The following SEMA3D variants were observed in gnomAD, a reference collection of about 807,000 sequenced individuals.
The protein encoded by SEMA3D is semaphorin 3D.
Under a neutral mutation model 100.1 loss-of-function variants are expected in SEMA3D, and 84 were observed. The ratio of observed to expected loss-of-function variants is 0.84; its 90% CI spans 0.70 to 1.01. SEMA3D has a LOEUF of 1.01. SEMA3D is among the 50% of genes least tolerant of loss of function. SEMA3D has a pLI of 0.00. For missense variants in SEMA3D, 875 were observed against 934.1 expected (o/e 0.94, Z 0.82); for synonymous variants, 312 against 320.7 (o/e 0.97, Z 0.29).
At chr7:85,157,989 T>A (rs971241183) in intron 1 of SEMA3D, among the ~76,000 whole-genome samples, 4 of 152,160 alleles carry the variant, frequency 2.6e-5, no homozygotes, top group African/African-American at 9.7e-5. Context: ...CCCCAATCAA[T>A]ACCCTTGTGA....
intron 2 of SEMA3D, chr7:85,142,842 C>T (rs1790096757): frequency 1.0e-6 from 1 of 984,882 alleles, no homozygotes; most frequent in African/African-American, 1.7e-5. Flanking sequence ...TAAATACAAC[C>T]CATCTTATAC....
At chr7:85,230,562 A>G in the SEMA3D span, among the ~76,000 whole-genome samples, 1 of 152,138 alleles carries the variant, frequency 6.6e-6, no homozygotes, top group Non-Finnish European at 1.5e-5. Flanking sequence ...AAGTGTTTTC[A>G]TTTCCCTTTT....
chr7:85,081,549 C>T lies in SEMA3D; in HGVS notation c.343G>A (p.Glu115Lys). The change falls in exon 5 of 19, where the codon GAA becomes AAA. Residue 115 changes from glutamate (E) to lysine (K), a missense_variant. Coordinates refer to ENST00000284136, the MANE Select transcript of SEMA3D (RefSeq NM_001384900.1). ...IYWPAAKERVELCKLAGKDAN... is the reference protein window; with the variant it reads ...IYWPAAKERVKLCKLAGKDAN... ...TCTTTCCCAGCTAATTTACATAATTCCACCCGTTCCTTTGCAGCAGGCCAA... is the reference window on the plus strand; with the variant it reads ...TCTTTCCCAGCTAATTTACATAATTTCACCCGTTCCTTTGCAGCAGGCCAA... 1 of 1,612,226 alleles carries T rather than the reference C, an allele frequency of 6.2e-7. No homozygotes were observed. The highest frequency in any genetic ancestry group is 8.5e-7 in the Non-Finnish European group (1 of 1,178,546).
the SEMA3D span, among the ~76,000 whole-genome samples, chr7:85,249,524 T>C: frequency 2.0e-5 from 3 of 152,190 alleles, no homozygotes; most frequent in Non-Finnish European, 4.4e-5. Flanking sequence ...ACTCGAACAG[T>C]AGACCTCTTC....
At chr7:85,214,417 G>C in the SEMA3D span, among the ~76,000 whole-genome samples, 1 of 152,044 alleles carries the variant, frequency 6.6e-6, no homozygotes, top group Non-Finnish European at 1.5e-5. Context: ...AGAAACATAC[G>C]ACACCCAGAG....
chr7:85,009,128 T>C (rs1369057101), intron 17 of SEMA3D, among the ~76,000 whole-genome samples: 1 of 151,748 alleles, frequency 6.6e-6, no homozygotes, highest in Non-Finnish European at 1.5e-5. Context: ...TGTTTTGAAA[T>C]AGTTAAAATA....
intron 12 of SEMA3D, among the ~76,000 whole-genome samples, chr7:85,034,382 G>A (rs1156260753): frequency 6.6e-6 from 1 of 151,988 alleles, no homozygotes; most frequent in Non-Finnish European, 1.5e-5. Context: ...TGAGGTGGGC[G>A]GATCATCTGA....
rs1428177885 is a variant in SEMA3D at position 85,106,893 on chromosome 7, C to T, written c.152-8928G>A. ...AAGAGGAGAAAAGCATGGGGGAAAC[C>T]GCCCTCATGATTCAATTACCTCCCA... is the stretch of plus-strand genomic sequence containing the variant. On this transcript the variant is annotated intron_variant, in intron 3 of 18. Coordinates refer to ENST00000284136, the MANE Select transcript of SEMA3D (RefSeq NM_001384900.1). Among the ~76,000 whole-genome samples the T allele has an allele frequency of 6.6e-5, 10 of 151,982 alleles. No homozygotes were observed. In the East Asian group the frequency reaches 1.4e-3, roughly 21 times the overall value.
At chr7:85,129,918 T>A (rs1437162993) in intron 2 of SEMA3D, among the ~76,000 whole-genome samples, 26 of 152,088 alleles carry the variant, frequency 1.7e-4, no homozygotes, top group Admixed American at 1.7e-3. Context: ...CAGGAACACA[T>A]GTACTGTTAA....
At chr7:85,216,762 G>A in the SEMA3D span, among the ~76,000 whole-genome samples, 2 of 151,792 alleles carry the variant, frequency 1.3e-5, no homozygotes, top group African/African-American at 2.4e-5. Flanking sequence ...GTTTTACAAT[G>A]TCTATGAAAT....
At chr7:85,123,857 C>A (rs577733122) in intron 2 of SEMA3D, among the ~76,000 whole-genome samples, 14 of 151,978 alleles carry the variant, frequency 9.2e-5, no homozygotes, top group Non-Finnish European at 2.9e-5. Flanking sequence ...TTAAATATAA[C>A]AAATATTGCA....
chr7:85,198,689 T>C, the SEMA3D span, among the ~76,000 whole-genome samples: 1 of 151,882 alleles, frequency 6.6e-6, no homozygotes, highest in Non-Finnish European at 1.5e-5. Flanking sequence ...ATTAGGTTTA[T>C]GTTTTCTTTC....
At chr7:85,112,448 A>G (rs1789119271) in intron 3 of SEMA3D, among the ~76,000 whole-genome samples, 2 of 152,210 alleles carry the variant, frequency 1.3e-5, no homozygotes, top group Non-Finnish European at 2.9e-5. Context: ...GAAGTTATTG[A>G]AAATAGCTTG....
In SEMA3D at chr7:85,088,725, T is replaced by TTTTTG. The variant is rs897171320; in HGVS notation, c.313-7151_313-7147dup. Among the ~76,000 whole-genome samples, 28 of 152,210 alleles carry TTTTTG rather than the reference T, an allele frequency of 1.8e-4. 3 individuals are homozygous for TTTTTG. The highest frequency in any genetic ancestry group is 6.3e-4 in the African/African-American group (26 of 41,542). ...TACAGAAGGGAAGTTTAATTCTCCA[T>TTTTTG]TTTTGTTTTGTTTTGTTTTGTTTTA... On this transcript the variant is annotated intron_variant, in intron 4 of 18. Transcript: ENST00000284136.
chr7:85,070,462 G>T (rs932503084), intron 6 of SEMA3D, among the ~76,000 whole-genome samples: 1 of 152,092 alleles, frequency 6.6e-6, no homozygotes, highest in Non-Finnish European at 1.5e-5. Flanking sequence ...CTCCTTTTGT[G>T]TATTGCTATT....
At chr7:85,246,543 T>C in the SEMA3D span, among the ~76,000 whole-genome samples, 1 of 151,988 alleles carries the variant, frequency 6.6e-6, no homozygotes, top group East Asian at 1.9e-4. Context: ...TAATTGTCAA[T>C]ATTAGAGAAA....
At chr7:85,018,028 C>T (rs184878521) in intron 15 of SEMA3D, among the ~76,000 whole-genome samples, 26 of 151,694 alleles carry the variant, frequency 1.7e-4, no homozygotes, top group African/African-American at 6.0e-4. Flanking sequence ...TTTTTAAGAT[C>T]CAAAGGAAGG....
At chr7:85,164,025 C>T (rs1002935881) in intron 1 of SEMA3D, among the ~76,000 whole-genome samples, 1 of 152,126 alleles carries the variant, frequency 6.6e-6, no homozygotes, top group African/African-American at 2.4e-5. Context: ...AAACTCTACA[C>T]ATCTTATTTC....
Position 85,021,143 on chromosome 7 carries a change from C to T in SEMA3D, c.1415-822G>A, listed in dbSNP as rs144962890. 4.4e-3 allele frequency among the ~76,000 whole-genome samples: 671 copies of T among 151,720 alleles called. 8 individuals are homozygous for T. The highest frequency in any genetic ancestry group is 0.016 in the African/African-American group (643 of 41,450). ...ACGTATATAATAATGATCCTGTTCG[C>T]ACAAAATAGTCTGAATTATTTAATT... On this transcript the variant is annotated intron_variant, in intron 13 of 18. Coordinates refer to ENST00000284136, the MANE Select transcript of SEMA3D (RefSeq NM_001384900.1).
Sources: allele counts gnomAD v4.1 joint callset (sites outside exome capture counted in the v4.1 genomes callset), GRCh38; gene constraint gnomAD v4.1.1; transcripts MANE v1.5; gene names NCBI Gene and HGNC (gene_info 2026-07-23, HGNC 2026-07-21).